CNTN5: variants seen among roughly 807,000 people sequenced by gnomAD.
CNTN5 encodes the protein contactin 5, also known as contactin-5.
Under a neutral mutation model 129.1 loss-of-function variants are expected in CNTN5, and 77 were observed. The observed-to-expected ratio is 0.60, with a 90% confidence interval of 0.50 to 0.72. The LOEUF is 0.72. Ranked by LOEUF, CNTN5 falls within the 30% of genes least tolerant of loss-of-function variation. CNTN5 has a pLI of 0.00. For missense variants in CNTN5, 1,478 were observed against 1,328.8 expected (o/e 1.11, Z -1.75); for synonymous variants, 509 against 465.6 (o/e 1.09, Z -1.20).
At chr11:99,447,532 T>C (rs1944118901) in intron 2 of CNTN5, among the ~76,000 whole-genome samples, 1 of 152,180 alleles carries the variant, frequency 6.6e-6, no homozygotes, top group Non-Finnish European at 1.5e-5. Flanking sequence ...TTATAAAAAT[T>C]CCCTATGCCA....
chr11:99,323,967 T>C (rs549892051), intron 1 of CNTN5, among the ~76,000 whole-genome samples: 1 of 152,218 alleles, frequency 6.6e-6, no homozygotes, highest in South Asian at 2.1e-4. Flanking sequence ...CAAAAAGGAA[T>C]CTATAGTTCC....
chr11:99,352,769 G>A (rs1352725370), intron 2 of CNTN5, among the ~76,000 whole-genome samples: 1 of 152,086 alleles, frequency 6.6e-6, no homozygotes, highest in Non-Finnish European at 1.5e-5. Flanking sequence ...ATATAACCTT[G>A]TGTTGAAAAG....
chr11:99,705,348 T>C (rs1954709633), intron 3 of CNTN5, among the ~76,000 whole-genome samples: 1 of 151,342 alleles, frequency 6.6e-6, no homozygotes, highest in Non-Finnish European at 1.5e-5. Flanking sequence ...TTACTCATAG[T>C]GTTACCTTTC....
chr11:99,260,510 A>C (rs561027144), intron 1 of CNTN5, among the ~76,000 whole-genome samples: 1 of 151,928 alleles, frequency 6.6e-6, no homozygotes, highest in Non-Finnish European at 1.5e-5. Flanking sequence ...ACAATCATCA[A>C]AAGGAGATTC....
At chr11:100,315,727 C>T (rs1951561584) in intron 21 of CNTN5, among the ~76,000 whole-genome samples, 1 of 152,130 alleles carries the variant, frequency 6.6e-6, no homozygotes, top group South Asian at 2.1e-4. Flanking sequence ...AGACATTAAT[C>T]CATCTATTTG....
intron 1 of CNTN5, among the ~76,000 whole-genome samples, chr11:99,314,824 T>C (rs1865272582): frequency 6.7e-6 from 1 of 149,004 alleles, no homozygotes; most frequent in African/African-American, 2.4e-5. Flanking sequence ...ATGGATGCTC[T>C]AGTAGGATGT....
At chr11:100,085,937 A>G (rs1030508217) in intron 13 of CNTN5, among the ~76,000 whole-genome samples, 6 of 152,080 alleles carry the variant, frequency 3.9e-5, no homozygotes, top group Non-Finnish European at 7.4e-5. Context: ...ATTTTAACAC[A>G]GAGGGACAGA....
rs534667057 is a variant in CNTN5 at position 100,128,129 on chromosome 11, A to G, written c.1580+53835A>G. Among the ~76,000 whole-genome samples the G allele has an allele frequency of 2.6e-5, 4 of 152,170 alleles. No homozygotes were observed. In the East Asian group the frequency reaches 5.8e-4, roughly 22 times the overall value. The stretch of plus-strand genomic sequence containing the variant: ...AATATCTCCTCTTAGCCCCAAACTC[A>G]TATATCCAATTGCCTACTGAACATC... On this transcript the variant is annotated intron_variant, in intron 13 of 24. Transcript: ENST00000524871.
chr11:99,826,443 C>T (rs745778196), intron 4 of CNTN5, among the ~76,000 whole-genome samples: 4 of 152,074 alleles, frequency 2.6e-5, no homozygotes, highest in African/African-American at 9.7e-5. Context: ...GACACACATA[C>T]GTACACACAA....
intron 3 of CNTN5, among the ~76,000 whole-genome samples, chr11:99,613,343 C>T (rs1950651394): frequency 6.6e-6 from 1 of 152,152 alleles, no homozygotes; most frequent in Non-Finnish European, 1.5e-5. Flanking sequence ...CTGTCTTCTT[C>T]CTGCAGTCTT....
intron 1 of CNTN5, among the ~76,000 whole-genome samples, chr11:99,163,596 T>C (rs1207517048): frequency 6.6e-6 from 1 of 152,184 alleles, no homozygotes; most frequent in Admixed American, 6.5e-5. Flanking sequence ...AGTATACTTC[T>C]TTACCTAAAG....
At chr11:99,746,874 T>C (rs1419991865) in intron 3 of CNTN5, among the ~76,000 whole-genome samples, 2 of 152,218 alleles carry the variant, frequency 1.3e-5, no homozygotes, top group African/African-American at 4.8e-5. Context: ...TTAGCTTTGT[T>C]CTTTTACTTA....
rs528805118 is a variant in CNTN5, at chr11:100,027,582, C to G, written c.980+25446C>G. ...AAAATAGTTTTTCCATATGGATGCA[C>G]TAGTCATTACTGAATTGAATACTCA... On this transcript the variant is annotated intron_variant, in intron 9 of 24. Transcript: ENST00000524871. 3.9e-5 allele frequency among the ~76,000 whole-genome samples: 6 copies of G among 152,322 alleles called. No individual in the cohort carries two copies. The East Asian group carries it at 1.2e-3, about 29-fold the overall frequency.
chr11:100,326,506 A>G (rs929315620), intron 21 of CNTN5, among the ~76,000 whole-genome samples: 10 of 152,146 alleles, frequency 6.6e-5, no homozygotes, highest in South Asian at 2.1e-4. Context: ...ACATCCCTAT[A>G]TCTTCCACCA....
At chr11:99,889,989 C>G (rs11221775) in intron 6 of CNTN5, among the ~76,000 whole-genome samples, 48,711 of 151,996 alleles carry the variant, frequency 0.32, 8,693 homozygotes, top group Non-Finnish European at 0.41. Context: ...TTCATTGTCA[C>G]AAAAAGGACT....
At chr11:99,386,863 G>T (rs965925552) in intron 2 of CNTN5, among the ~76,000 whole-genome samples, 15 of 151,998 alleles carry the variant, frequency 9.9e-5, no homozygotes, top group Non-Finnish European at 1.9e-4. Flanking sequence ...CCATTCTAAG[G>T]CATTTCTCCT....
intron 3 of CNTN5, among the ~76,000 whole-genome samples, chr11:99,627,275 CT>C (rs1254637843): frequency 6.6e-6 from 1 of 152,050 alleles, no homozygotes; most frequent in Non-Finnish European, 1.5e-5. Context: ...GCCTCTGTTT[CT>C]CCATATTGAA....
chr11:99,547,062 G>T (rs1009629715), intron 2 of CNTN5, among the ~76,000 whole-genome samples: 1 of 145,544 alleles, frequency 6.9e-6, no homozygotes, highest in Admixed American at 7.1e-5. Flanking sequence ...GGAGTGCAAC[G>T]GCACGATCTT....
At chr11:100,206,452 G>C (rs1266974549) in intron 15 of CNTN5, among the ~76,000 whole-genome samples, 1 of 152,008 alleles carries the variant, frequency 6.6e-6, no homozygotes, top group Non-Finnish European at 1.5e-5. Context: ...TTATAGCAAG[G>C]TACATATACA....
Sources: gnomAD v4.1 joint callset for allele counts (sites outside exome capture counted in the v4.1 genomes callset) on GRCh38, gnomAD v4.1.1 for gene constraint, MANE v1.5 for transcripts, NCBI Gene and HGNC (gene_info 2026-07-23, HGNC 2026-07-21) for gene names.